The following RABGAP1L variants were observed in gnomAD, a reference collection of about 807,000 sequenced individuals.
The protein encoded by RABGAP1L is rab GTPase-activating protein 1-like.
Under a neutral mutation model 137.7 loss-of-function variants are expected in RABGAP1L, and 63 were observed. The observed-to-expected ratio is 0.46, with a 90% confidence interval of 0.37 to 0.56. The LOEUF (loss-of-function observed/expected upper bound fraction) is 0.56, where lower values mean the gene tolerates loss of function less well. RABGAP1L is among the 20% of genes least tolerant of loss of function. RABGAP1L has a pLI of 0.00. For synonymous variants in RABGAP1L, 431 were observed against 433.7 expected (o/e 0.99, Z 0.08); for missense variants, 1,095 against 1,244.0 (o/e 0.88, Z 1.80).
intron 17 of RABGAP1L, among the ~76,000 whole-genome samples, chr1:174,742,173 A>AAAG (rs142245382): frequency 1.1e-5 from 1 of 91,718 alleles, no homozygotes; most frequent in Non-Finnish European, 2.1e-5. Context: ...GAGGAGGAGG[A>AAAG]AAGAAGAAGA....
rs530331522 is a variant in RABGAP1L at position 174,489,116 on chromosome 1, G to C, written c.1710+94971G>C. 2.3e-4 allele frequency among the ~76,000 whole-genome samples: 35 copies of C among 151,950 alleles called. 1 individual carries two copies. The South Asian group carries it at 7.3e-3, about 32-fold the overall frequency. ...ATGATTCCATTCAGGACATAGGCAT[G>C]GGCAAGGACTTCATGACTAAAACAC... On this transcript the variant is annotated intron_variant, in intron 13 of 25. Coordinates refer to ENST00000681986, the MANE Select transcript of RABGAP1L (RefSeq NM_001366446.1).
At chr1:174,671,110 A>G (rs1677145282) in intron 14 of RABGAP1L, among the ~76,000 whole-genome samples, 1 of 152,128 alleles carries the variant, frequency 6.6e-6, no homozygotes, top group African/African-American at 2.4e-5. Context: ...AATTGTTTTC[A>G]TGATTCTTTT....
chr1:174,503,482 A>T (rs1661515535), intron 13 of RABGAP1L, among the ~76,000 whole-genome samples: 1 of 152,034 alleles, frequency 6.6e-6, no homozygotes. Context: ...TAACACAGTG[A>T]AACCCCATCT....
At chr1:174,599,356 G>T (rs1670243597) in intron 13 of RABGAP1L, among the ~76,000 whole-genome samples, 1 of 152,126 alleles carries the variant, frequency 6.6e-6, no homozygotes, top group Non-Finnish European at 1.5e-5. Flanking sequence ...TTATATGGAA[G>T]ATATAAGTAG....
At chr1:174,986,545 G>C (rs1197805769) in intron 24 of RABGAP1L, among the ~76,000 whole-genome samples, 1 of 152,180 alleles carries the variant, frequency 6.6e-6, no homozygotes, top group Non-Finnish European at 1.5e-5. Flanking sequence ...CCACATTTTA[G>C]CAGGTCTGCC....
At chr1:174,919,296 G>A (rs1661431090) in intron 19 of RABGAP1L, among the ~76,000 whole-genome samples, 1 of 152,148 alleles carries the variant, frequency 6.6e-6, no homozygotes, top group Non-Finnish European at 1.5e-5. Context: ...GGGATTACAG[G>A]CGTGAGCCAC....
chr1:174,672,572 T>G (rs1229125825), intron 14 of RABGAP1L, among the ~76,000 whole-genome samples: 1 of 152,120 alleles, frequency 6.6e-6, no homozygotes, highest in Non-Finnish European at 1.5e-5. Flanking sequence ...ATTTGCAACC[T>G]GTCTTCTTTG....
At position 174,700,954 on chromosome 1, in the gene RABGAP1L, T is replaced by G. The variant is rs115880161; in HGVS notation, c.2026-1159T>G. ...ACTATGAAGAACCTCAACCACATTT[T>G]TCTGTTAGCAGTTTTTTTTCAGTTA... On this transcript the variant is annotated intron_variant, in intron 16 of 25. Coordinates refer to ENST00000681986, the MANE Select transcript of RABGAP1L (RefSeq NM_001366446.1). 268 of 819,754 alleles carry G rather than the reference T, an allele frequency of 3.3e-4. 3 individuals carry two copies. The African/African-American group carries it at 4.3e-3, about 13-fold the overall frequency. 50.8% of individuals were successfully genotyped at this position (819,754 alleles called of 1,614,324 possible).
At chr1:174,913,723 C>A (rs558419753) in intron 19 of RABGAP1L, among the ~76,000 whole-genome samples, 85 of 152,154 alleles carry the variant, frequency 5.6e-4, no homozygotes, top group African/African-American at 1.9e-3. Context: ...TTTCTTTGTA[C>A]TATATGACTG....
At chr1:174,905,433 T>A (rs1658886220) in intron 19 of RABGAP1L, among the ~76,000 whole-genome samples, 1 of 152,076 alleles carries the variant, frequency 6.6e-6, no homozygotes, top group Non-Finnish European at 1.5e-5. Flanking sequence ...AACAAAAAAT[T>A]AAATGGAAAT....
At chr1:174,704,694 T>G (rs2148532854) in intron 17 of RABGAP1L, among the ~76,000 whole-genome samples, 1 of 152,330 alleles carries the variant, frequency 6.6e-6, no homozygotes, top group South Asian at 2.1e-4. Context: ...TAAATGTATC[T>G]TAAAGGAAGA....
intron 19 of RABGAP1L, among the ~76,000 whole-genome samples, chr1:174,840,809 C>A (rs1302733124): frequency 4.7e-5 from 5 of 106,784 alleles, no homozygotes; most frequent in African/African-American, 6.0e-5. Flanking sequence ...GAGTGAGAAT[C>A]TGTCTCAAAA....
intron 11 of RABGAP1L, among the ~76,000 whole-genome samples, chr1:174,327,986 C>CGTGT: frequency 1.9e-5 from 1 of 53,630 alleles, no homozygotes; most frequent in African/African-American, 1.1e-4. Flanking sequence ...TATACACACA[C>CGTGT]ATATATATAT....
At chr1:174,429,626 C>T (rs1652358870) in intron 13 of RABGAP1L, among the ~76,000 whole-genome samples, 1 of 152,018 alleles carries the variant, frequency 6.6e-6, no homozygotes, top group African/African-American at 2.4e-5. Context: ...GTAATCCCAG[C>T]TACTCAGGAG....
At chr1:174,391,443 A>T (rs1687202053) in intron 12 of RABGAP1L, among the ~76,000 whole-genome samples, 1 of 152,152 alleles carries the variant, frequency 6.6e-6, no homozygotes, top group Admixed American at 6.5e-5. Context: ...CAGCCTCCCA[A>T]GTAGCTGGAA....
At chr1:174,281,034 G>A (rs1242230475) in intron 10 of RABGAP1L, among the ~76,000 whole-genome samples, 2 of 152,080 alleles carry the variant, frequency 1.3e-5, no homozygotes, top group African/African-American at 2.4e-5. Context: ...TGATCCTCCC[G>A]GTGGGTTCGT....
intron 14 of RABGAP1L, among the ~76,000 whole-genome samples, chr1:174,641,107 T>C (rs1221926437): frequency 6.6e-6 from 1 of 151,752 alleles, no homozygotes; most frequent in Non-Finnish European, 1.5e-5. Context: ...ACACTGGAGA[T>C]ATAATATGCT....
rs527334322 is a variant in RABGAP1L, at chr1:174,618,423, G to A, written c.1711-18952G>A. ...GGGCAGACTGACATCTCACACGGCC[G>A]AGTACTCCTCTGAGACAAAACTTCC... On this transcript the variant is annotated intron_variant, in intron 13 of 25. Coordinates refer to ENST00000681986, the MANE Select transcript of RABGAP1L (RefSeq NM_001366446.1). Among the ~76,000 whole-genome samples, 4 of 152,296 alleles carry A rather than the reference G, an allele frequency of 2.6e-5. No homozygotes were observed. In the South Asian group the frequency reaches 8.3e-4, roughly 32 times the overall value.
chr1:174,161,376 G>A (rs1313305201), intron 1 of RABGAP1L, among the ~76,000 whole-genome samples: 1 of 152,016 alleles, frequency 6.6e-6, no homozygotes, highest in South Asian at 2.1e-4. Context: ...TTGTGTAGCT[G>A]GGACTACAGG....
Sources: gnomAD v4.1 joint callset for allele counts (sites outside exome capture counted in the v4.1 genomes callset) on GRCh38, gnomAD v4.1.1 for gene constraint, MANE v1.5 for transcripts, NCBI Gene and HGNC (gene_info 2026-07-23, HGNC 2026-07-21) for gene names.